Variants in DOP1B observed in about 807,000 individuals in gnomAD.
DOP1B encodes protein DOP1B.
Under a neutral mutation model 233.5 loss-of-function variants are expected in DOP1B, and 174 were observed. That is an observed-to-expected ratio of 0.75 (90% CI 0.66 to 0.85). The LOEUF (loss-of-function observed/expected upper bound fraction) is 0.85. DOP1B is among the 40% of genes least tolerant of loss of function. DOP1B has a pLI of 0.00. For missense variants in DOP1B, 2,652 were observed against 2,846.6 expected (o/e 0.93, Z 1.56); for synonymous variants, 1,190 against 1,185.6 (o/e 1.00, Z -0.08).
intron 21 of DOP1B, 146 bp from the exon 22 acceptor site, chr21:36,251,016 C>T (rs2067026475): frequency 9.1e-7 from 1 of 1,103,440 alleles, no homozygotes; most frequent in Admixed American, 2.7e-5. Flanking sequence ...CTGGGATCCA[C>T]CCATCAGGGA....
At chr21:36,278,701 C>T (rs1227727128) in intron 30 of DOP1B, among the ~76,000 whole-genome samples, 2 of 151,984 alleles carry the variant, frequency 1.3e-5, no homozygotes, top group Non-Finnish European at 2.9e-5. Flanking sequence ...AACCCCGTCT[C>T]TACAAAAAAA....
At chr21:36,278,139 C>G in intron 29 of DOP1B, 55 bp downstream of exon 29, 3 of 1,613,126 alleles carry the variant, frequency 1.9e-6, no homozygotes, top group Non-Finnish European at 2.5e-6. Context: ...TATGTTTTCA[C>G]AAATGAATCA....
chr21:36,214,021 C>T (rs2066530458), intron 7 of DOP1B, 60 bp from the exon 8 acceptor site: 3 of 1,348,450 alleles, frequency 2.2e-6, no homozygotes, highest in Middle Eastern at 1.9e-4. Context: ...GACTTTTGCA[C>T]AATATGATGT....
intron 27 of DOP1B, among the ~76,000 whole-genome samples, chr21:36,270,552 CAAA>C (rs398040600): frequency 3.3e-3 from 120 of 36,804 alleles, no homozygotes; most frequent in African/African-American, 0.011. Context: ...GACTCCGTCT[CAAA>C]AAAAAAAAAA....
intron 17 of DOP1B, 114 bp from the exon 18 acceptor site, chr21:36,239,651 G>A (rs1007443907): frequency 2.4e-6 from 3 of 1,228,574 alleles, no homozygotes; most frequent in Admixed American, 3.1e-5. Flanking sequence ...GTCCAGCTTG[G>A]GTGGAGGTCC....
intron 4 of DOP1B, among the ~76,000 whole-genome samples, chr21:36,201,920 C>G (rs539726577): frequency 6.6e-6 from 1 of 151,964 alleles, no homozygotes; most frequent in African/African-American, 2.4e-5. Context: ...CACGGTGGCT[C>G]ACACCTGTAA....
intron 2 of DOP1B, among the ~76,000 whole-genome samples, chr21:36,190,294 C>T (rs1295290123): frequency 6.6e-6 from 1 of 151,800 alleles, no homozygotes; most frequent in Non-Finnish European, 1.5e-5. Context: ...CACTGCACTC[C>T]AGTGTTGGGG....
chr21:36,225,546 T>C lies in DOP1B; in HGVS notation c.1371-19T>C, dbSNP rs532293436. On this transcript the variant is annotated intron_variant, in intron 11 of 36. Transcript: ENST00000691173. ...ATGCCTGGCCAAAGAATGGATTTTT[T>C]CTTTGCTGTGATTTATAGACCAGTG... 3.9e-5 allele frequency: 63 copies of C among 1,613,902 alleles called. No individual in the cohort carries two copies. In the East Asian group the frequency reaches 1.2e-3, roughly 32 times the overall value.
Position 36,247,519 on chromosome 21 carries a change from C to T in DOP1B, c.4700C>T (p.Thr1567Ile), listed in dbSNP as rs2066981623. ...AGTTTCTCTTTTCTTCACCACAGCACAACCTCCAAGAGGGAAAACATTTCT... is the reference window on the plus strand; with the variant it reads ...AGTTTCTCTTTTCTTCACCACAGCATAACCTCCAAGAGGGAAAACATTTCT... ...ESESVKLSVS[T>I]TSKRENISPD... is the part of the protein sequence containing the mutation. The change falls in exon 20 of 37, where the codon ACA becomes ATA. Residue 1567 changes from threonine (T) to isoleucine (I), a missense_variant and splice_region_variant. Coordinates refer to ENST00000691173, the MANE Select transcript of DOP1B (RefSeq NM_001320714.2). The T allele has an allele frequency of 6.3e-7, 1 of 1,594,662 alleles. No homozygotes were observed. Among genetic ancestry groups the T allele is most frequent in the Non-Finnish European group, 8.5e-7 (1 of 1,174,296 alleles).
At chr21:36,170,745 G>C (rs1688925610) in intron 2 of DOP1B, among the ~76,000 whole-genome samples, 1 of 151,318 alleles carries the variant, frequency 6.6e-6, no homozygotes, top group African/African-American at 2.4e-5. Flanking sequence ...CAGTGAGCAT[G>C]ATCATGCCAC....
intron 2 of DOP1B, among the ~76,000 whole-genome samples, chr21:36,177,464 G>A (rs369039333): frequency 5.9e-5 from 9 of 152,318 alleles, no homozygotes; most frequent in African/African-American, 7.2e-5. Context: ...GGGGCTGGAG[G>A]TAGTCCAGAT....
chr21:36,157,777 A>C (rs117028525), intron 1 of DOP1B, among the ~76,000 whole-genome samples: 17 of 152,162 alleles, frequency 1.1e-4, no homozygotes, highest in African/African-American at 4.1e-4. Flanking sequence ...ATCATTATCA[A>C]TTTTATTACT....
At position 36,208,621 on chromosome 21, in the gene DOP1B, G is replaced by A. The variant is rs939670383; in HGVS notation, c.492-94G>A. On this transcript the variant is annotated intron_variant, in intron 4 of 36. Coordinates refer to ENST00000691173, the MANE Select transcript of DOP1B (RefSeq NM_001320714.2). ...GGGGCTTCCCCAGCCAGGCGAATCC[G>A]CTGTGGTTCTTCATGCAGCATTCGC... The A allele has an allele frequency of 2.1e-5, 28 of 1,357,004 alleles. No individual in the cohort carries two copies. In the East Asian group the frequency reaches 4.8e-4, roughly 23 times the overall value. 84.1% of individuals were successfully genotyped at this position (1,357,004 alleles called of 1,614,324 possible). A position where few individuals can be genotyped will look rare whatever the true frequency, so the allele number is the denominator to read the frequency against.
chr21:36,256,313 C>G (rs1312637680), intron 23 of DOP1B, among the ~76,000 whole-genome samples: 1 of 152,006 alleles, frequency 6.6e-6, no homozygotes, highest in Non-Finnish European at 1.5e-5. Context: ...TGGTAGTGCA[C>G]ACCTGTAGTC....
At chr21:36,199,032 C>A in intron 2 of DOP1B, 38 bp from the exon 3 acceptor site, 1 of 1,591,708 alleles carries the variant, frequency 6.3e-7, no homozygotes, top group Non-Finnish European at 8.6e-7. Flanking sequence ...AATATCGCTG[C>A]CTTCTTCCTC....
Position 36,227,880 on chromosome 21 carries a change from G to A in DOP1B, c.1665+3G>A. On this transcript the variant is annotated splice_donor_region_variant and intron_variant, in intron 13 of 36. Coordinates refer to ENST00000691173, the MANE Select transcript of DOP1B (RefSeq NM_001320714.2). ...CGGAGTCCACCAGCGGAACCTCGGT[G>A]TGTACTCTGAGGGGCAGAAATGGTT... The A allele has an allele frequency of 6.3e-7, 1 of 1,588,828 alleles. No homozygotes were observed. The highest frequency in any genetic ancestry group is 1.3e-5 in the African/African-American group (1 of 74,522).
chr21:36,239,695 A>C, intron 17 of DOP1B, 70 bp from the exon 18 acceptor site: 2 of 1,458,956 alleles, frequency 1.4e-6, no homozygotes, highest in Admixed American at 2.4e-5. Context: ...CCCTATGCCC[A>C]GTGTCTGCCA....
intron 27 of DOP1B, among the ~76,000 whole-genome samples, chr21:36,273,598 A>C (rs1156478267): frequency 6.6e-6 from 1 of 152,080 alleles, no homozygotes; most frequent in Non-Finnish European, 1.5e-5. Context: ...ATGAAAGACA[A>C]GGGGACAGCC....
At chr21:36,247,834 C>T (rs1244660661) in intron 20 of DOP1B, among the ~76,000 whole-genome samples, 1 of 152,250 alleles carries the variant, frequency 6.6e-6, no homozygotes, top group Non-Finnish European at 1.5e-5. Flanking sequence ...AGTGCCTACG[C>T]AAATGCATAT....
Sources: allele counts gnomAD v4.1 joint callset (sites outside exome capture counted in the v4.1 genomes callset), GRCh38; gene constraint gnomAD v4.1.1; transcripts MANE v1.5; gene names NCBI Gene and HGNC (gene_info 2026-07-23, HGNC 2026-07-21).